The following STAC variants were observed in gnomAD, a reference collection of about 807,000 sequenced individuals.
STAC encodes the protein SH3 and cysteine rich domain.
In STAC, 43 loss-of-function variants were observed where a neutral mutation model predicts 48.8. That is an observed-to-expected ratio of 0.88 (90% CI 0.69 to 1.14). The LOEUF (loss-of-function observed/expected upper bound fraction) is 1.14, where lower values mean the gene tolerates loss of function less well. Among genes scored for constraint, STAC ranks in the 50% most tolerant of loss-of-function variants. The pLI is 0.00. For synonymous variants in STAC, 193 were observed against 179.5 expected (o/e 1.07, Z -0.60); for missense variants, 497 against 504.0 (o/e 0.99, Z 0.13).
In STAC at chr3:36,509,339, T is replaced by C. The variant is rs147334021; in HGVS notation, c.920+3505T>C. On this transcript the variant is annotated intron_variant, in intron 8 of 10. Transcript: ENST00000273183. Reference sequence around the variant, plus strand: ...TCTCTCTGGCTGCGCTTAACATTTTTTCCTTCATTTCAACCTTGGTGAATC... The same window carrying C: ...TCTCTCTGGCTGCGCTTAACATTTTCTCCTTCATTTCAACCTTGGTGAATC... Among the ~76,000 whole-genome samples, 760 of 152,336 alleles carry C rather than the reference T, an allele frequency of 5.0e-3. 6 individuals are homozygous for C. Among genetic ancestry groups the C allele is most frequent in the African/African-American group, 0.017 (720 of 41,580 alleles).
intron 8 of STAC, among the ~76,000 whole-genome samples, chr3:36,525,231 A>G (rs1698904944): frequency 1.3e-5 from 2 of 152,198 alleles, no homozygotes; most frequent in African/African-American, 2.4e-5. Flanking sequence ...AACAAAAACC[A>G]AAGAAATAAT....
intron 1 of STAC, among the ~76,000 whole-genome samples, chr3:36,420,856 T>A (rs1353040066): frequency 6.6e-6 from 1 of 152,264 alleles, no homozygotes; most frequent in African/African-American, 2.4e-5. Flanking sequence ...TTGTAAACTA[T>A]ATCTATACTA....
chr3:36,534,515 G>A (rs1051759404), intron 10 of STAC, among the ~76,000 whole-genome samples: 5 of 151,986 alleles, frequency 3.3e-5, no homozygotes, highest in Non-Finnish European at 5.9e-5. Flanking sequence ...AAAGATAAAT[G>A]CAATGCACAT....
intron 8 of STAC, among the ~76,000 whole-genome samples, chr3:36,521,165 G>A (rs983948155): frequency 3.3e-5 from 5 of 151,828 alleles, no homozygotes; most frequent in African/African-American, 1.2e-4. Flanking sequence ...TGAGTGACTG[G>A]TTGCTATAAA....
At chr3:36,460,545 T>C (rs1282306447) in intron 2 of STAC, among the ~76,000 whole-genome samples, 3 of 152,136 alleles carry the variant, frequency 2.0e-5, no homozygotes, top group Non-Finnish European at 4.4e-5. Context: ...TCTGGAGATA[T>C]TTATGGTTGT....
intron 1 of STAC, among the ~76,000 whole-genome samples, chr3:36,383,014 T>C (rs1341886653): frequency 6.6e-6 from 1 of 152,126 alleles, no homozygotes; most frequent in South Asian, 2.1e-4. Context: ...AAGAGTTAGG[T>C]TTTTTTGTCT....
chr3:36,412,515 C>T (rs2885140), intron 1 of STAC, among the ~76,000 whole-genome samples: 34,872 of 151,920 alleles, frequency 0.23, 4,220 homozygotes, highest in Admixed American at 0.25. Context: ...GGAAAGAAAG[C>T]CTTTCGGGGG....
intron 2 of STAC, among the ~76,000 whole-genome samples, chr3:36,464,370 G>GT (rs1272720200): frequency 1.3e-5 from 2 of 152,178 alleles, no homozygotes; most frequent in South Asian, 2.1e-4. Context: ...GGGGTTGTTT[G>GT]TTTTTTTCTT....
intron 2 of STAC, chr3:36,459,188 T>A (rs1696933661): frequency 6.6e-6 from 1 of 152,244 alleles, no homozygotes; most frequent in Non-Finnish European, 1.5e-5. Context: ...CATATTCATC[T>A]AATTATTTCT....
intron 1 of STAC, among the ~76,000 whole-genome samples, chr3:36,419,001 C>T (rs1436227063): frequency 4.7e-5 from 7 of 148,878 alleles, no homozygotes; most frequent in African/African-American, 1.7e-4. Context: ...GAGCCGAGAT[C>T]GCGCCATTGC....
chr3:36,395,350 G>A (rs1699835716), intron 1 of STAC, among the ~76,000 whole-genome samples: 1 of 152,164 alleles, frequency 6.6e-6, no homozygotes, highest in African/African-American at 2.4e-5. Flanking sequence ...AAGCCAGGGA[G>A]GTGAGTAGTC....
intron 2 of STAC, among the ~76,000 whole-genome samples, chr3:36,452,814 T>C (rs1696720883): frequency 6.6e-6 from 1 of 152,156 alleles, no homozygotes; most frequent in Non-Finnish European, 1.5e-5. Flanking sequence ...GAATAGACAT[T>C]ACCTAGAAAG....
rs1448398785 is a variant in STAC, at chr3:36,528,967, A to G, written c.1092A>G (p.Ile364Met). 1.2e-6 allele frequency: 2 copies of G among 1,608,296 alleles called. No individual in the cohort carries two copies. Among genetic ancestry groups the G allele is most frequent in the South Asian group, 2.2e-5 (2 of 90,180 alleles). Residue 364 changes from isoleucine (I) to methionine (M), a missense_variant, in exon 10 of 11, where the codon ATA becomes ATG. Coordinates refer to ENST00000273183, the MANE Select transcript of STAC (RefSeq NM_003149.3). ...TFIGCKEQGQ[I>M]TLKENQICVS... ...TTGGGTGTAAGGAACAGGGGCAGAT[A>G]ACACTGAAAGAGAATCAGGTGAGTA...
Position 36,441,218 on chromosome 3 carries a change from A to G in STAC, c.112-2146A>G, listed in dbSNP as rs77584180. Among the ~76,000 whole-genome samples, 1,263 of 152,194 alleles carry G rather than the reference A, an allele frequency of 8.3e-3. 20 individuals carry two copies. Among genetic ancestry groups the G allele is most frequent in the African/African-American group, 0.029 (1,192 of 41,540 alleles). ...TCTTCCTATCTAGCTGTCATTTTTT[A>G]GTAAAAAATCTCTCCCTATCCTCCC... On this transcript the variant is annotated intron_variant, in intron 1 of 10. Transcript: ENST00000273183.
intron 10 of STAC, among the ~76,000 whole-genome samples, chr3:36,531,820 G>C (rs1699079382): frequency 6.6e-6 from 1 of 152,166 alleles, no homozygotes; most frequent in Admixed American, 6.5e-5. Flanking sequence ...GAAGTGAGGA[G>C]AGACCTAGGA....
intron 1 of STAC, among the ~76,000 whole-genome samples, chr3:36,413,388 T>C (rs1700240958): frequency 6.6e-6 from 1 of 152,248 alleles, no homozygotes; most frequent in Non-Finnish European, 1.5e-5. Flanking sequence ...TTTAGGATAG[T>C]TAGCTCTTGC....
intron 2 of STAC, among the ~76,000 whole-genome samples, chr3:36,482,749 G>A (rs890458767): frequency 1.1e-4 from 17 of 152,204 alleles, no homozygotes; most frequent in African/African-American, 3.9e-4. Flanking sequence ...GGGCATGGAG[G>A]AGGCTTAGAG....
At chr3:36,512,608 G>A (rs1369885431) in intron 8 of STAC, among the ~76,000 whole-genome samples, 1 of 152,132 alleles carries the variant, frequency 6.6e-6, no homozygotes, top group Non-Finnish European at 1.5e-5. Context: ...GCTGCCTGGT[G>A]GTGGTCATCA....
Position 36,541,130 on chromosome 3 carries a change from CCAGA to C in STAC, c.1111-5058_1111-5055del, listed in dbSNP as rs775049518. Among the ~76,000 whole-genome samples, 5 of 152,054 alleles carry C rather than the reference CCAGA, an allele frequency of 3.3e-5. No homozygotes were observed. In the East Asian group the frequency reaches 7.7e-4, roughly 24 times the overall value. ...GGCTGCAGCCACTCCAGGAATCCTT[CCAGA>C]CAAAGAAAGATTTTCTTCCTAAGGC... On this transcript the variant is annotated intron_variant, in intron 10 of 10. Coordinates refer to ENST00000273183, the MANE Select transcript of STAC (RefSeq NM_003149.3).
Sources: gnomAD v4.1 joint callset for allele counts (sites outside exome capture counted in the v4.1 genomes callset) on GRCh38, gnomAD v4.1.1 for gene constraint, MANE v1.5 for transcripts, NCBI Gene and HGNC (gene_info 2026-07-23, HGNC 2026-07-21) for gene names.